The following ZEB2 variants were observed in gnomAD, a reference collection of about 807,000 sequenced individuals.
ZEB2 encodes the protein zinc finger E-box-binding homeobox 2.
Under a neutral mutation model 99.9 loss-of-function variants are expected in ZEB2, and 6 were observed. That is an observed-to-expected ratio of 0.06 (90% CI 0.03 to 0.12). The LOEUF (loss-of-function observed/expected upper bound fraction) is 0.12, where lower values mean the gene tolerates loss of function less well. ZEB2 is among the 10% of genes least tolerant of loss of function. The pLI is 1.00. For missense variants in ZEB2, 969 were observed against 1,502.8 expected, an observed-to-expected ratio of 0.64 and a Z score of 5.87; for synonymous variants, 517 against 542.5, an observed-to-expected ratio of 0.95 and a Z score of 0.65.
chr2:144,512,197 G>A, intron 2 of ZEB2: 1 of 1,287,206 alleles, frequency 7.8e-7, no homozygotes, highest in Non-Finnish European at 1.0e-6. Flanking sequence ...CCCTCTCTCT[G>A]TGACAGGCAC....
intron 4 of ZEB2, among the ~76,000 whole-genome samples, chr2:144,407,587 G>A (rs1703405751): frequency 6.6e-6 from 1 of 152,158 alleles, no homozygotes; most frequent in Admixed American, 6.5e-5. Context: ...ACTTTTGATG[G>A]GAAGAAAGGA....
chr2:144,400,118 C>G lies in ZEB2; in HGVS notation c.1069G>C (p.Val357Leu), dbSNP rs761866469. The change falls in exon 8 of 10, where the codon GTT (valine) becomes CTT (leucine). Residue 357 changes from valine (V) to leucine (L), a missense_variant. Physicochemically the swap from Val to Leu is conservative, Grantham distance 32. Coordinates refer to ENST00000627532, the MANE Select transcript of ZEB2 (RefSeq NM_014795.4). ...NIKTGSSPNS[V>L]SSSPTNSAIT... ...GCTGAATTAGTAGGAGAAGAAGAAA[C>G]AGAATTAGGGGAAGAACCCGTCTTG... The G allele has an allele frequency of 6.2e-7, 1 of 1,613,884 alleles. No individual in the cohort carries two copies. Among genetic ancestry groups the G allele is most frequent in the South Asian group, 1.1e-5 (1 of 91,084 alleles).
At chr2:144,456,808 C>T (rs1200519255) in intron 2 of ZEB2, among the ~76,000 whole-genome samples, 1 of 152,030 alleles carries the variant, frequency 6.6e-6, no homozygotes, top group African/African-American at 2.4e-5. Context: ...AATCAGATGA[C>T]ACTGAGACTT....
At chr2:144,393,096 G>T (rs1703173550) in intron 9 of ZEB2, among the ~76,000 whole-genome samples, 1 of 152,162 alleles carries the variant, frequency 6.6e-6, no homozygotes, top group Non-Finnish European at 1.5e-5. Flanking sequence ...TTAAATTTTA[G>T]AATACAAATG....
chr2:144,398,282 A>G lies in ZEB2; in HGVS notation c.2886+19T>C, dbSNP rs1403675127. On this transcript the variant is annotated intron_variant, in intron 8 of 9. Transcript: ENST00000627532. Reference sequence around the variant, plus strand: ...TGCCACCTCTTTTCTTCATAGCAGAAAAACATTTGTCTCTTTACCTGAAAT... The same window carrying G: ...TGCCACCTCTTTTCTTCATAGCAGAGAAACATTTGTCTCTTTACCTGAAAT... The G allele has an allele frequency of 1.2e-6, 2 of 1,612,676 alleles. No individual in the cohort carries two copies. Among genetic ancestry groups the G allele is most frequent in the Non-Finnish European group, 1.7e-6 (2 of 1,179,802 alleles).
chr2:144,483,021 C>G lies in ZEB2; in HGVS notation c.73+34257G>C, dbSNP rs140929400. On this transcript the variant is annotated intron_variant, in intron 2 of 9. Coordinates refer to ENST00000627532, the MANE Select transcript of ZEB2 (RefSeq NM_014795.4). ...CTACCAAAAAAGATTCTTCATTCAA[C>G]TTAGAAAACATTGAGACAATTCATG... 2.0e-5 allele frequency among the ~76,000 whole-genome samples: 3 copies of G among 152,002 alleles called. No individual in the cohort carries two copies. In the East Asian group the frequency reaches 5.8e-4, roughly 29 times the overall value.
intron 2 of ZEB2, chr2:144,448,751 C>T (rs1704018230): frequency 6.6e-6 from 1 of 152,228 alleles, no homozygotes. Flanking sequence ...TCACAGAGCT[C>T]CACACAGTCC....
At chr2:144,401,847 CA>C (rs1254681099) in intron 6 of ZEB2, among the ~76,000 whole-genome samples, 2 of 151,902 alleles carry the variant, frequency 1.3e-5, no homozygotes, top group Non-Finnish European at 1.5e-5. Context: ...AACACACAAA[CA>C]AAAAAACCTT....
At chr2:144,492,184 G>C (rs551523689) in intron 2 of ZEB2, among the ~76,000 whole-genome samples, 3 of 152,140 alleles carry the variant, frequency 2.0e-5, no homozygotes, top group Non-Finnish European at 4.4e-5. Flanking sequence ...CAGATTAAGC[G>C]GAAAATAGCT....
rs769095107 is a variant in ZEB2, at chr2:144,396,533, G to A, written c.2946C>T (p.Ser982=). 17 of 1,613,894 alleles carry A rather than the reference G, an allele frequency of 1.1e-5. No homozygotes were observed. Among genetic ancestry groups the A allele is most frequent in the Admixed American group, 6.7e-5 (4 of 59,988 alleles). ...YMSGLDDMTD[S]DSCLSRKKIK... ...TCTTTTTGCGAGACAGACAGGAGTC[G>A]GAGTCTGTCATATCATCTAGGCCTG... is the stretch of plus-strand genomic sequence containing the variant. Residue 982 remains serine, a synonymous_variant, in exon 9 of 10, where the codon TCC becomes TCT. Transcript: ENST00000627532.
rs527942077 is a variant in ZEB2, at chr2:144,509,881, C to T, written c.73+7397G>A. On this transcript the variant is annotated intron_variant, in intron 2 of 9. Coordinates refer to ENST00000627532, the MANE Select transcript of ZEB2 (RefSeq NM_014795.4). ...CAGTAAAACCTGACAGGTCTGCCTG[C>T]GAGGGTTTAAACAGTTCCCAGGAAG... Among the ~76,000 whole-genome samples the T allele has an allele frequency of 5.3e-5, 8 of 152,194 alleles. No homozygotes were observed. In the East Asian group the frequency reaches 9.6e-4, roughly 18 times the overall value.
In ZEB2 at chr2:144,405,035, A is replaced by G; in HGVS notation, c.404-11T>C. On this transcript the variant is annotated splice_polypyrimidine_tract_variant and intron_variant, in intron 4 of 9. Transcript: ENST00000627532. ...AATTTGCATTCTTCACTGAAATCAT[A>G]AAAGGAGAAGAAATGTTGTTTCCGG... is the stretch of plus-strand genomic sequence containing the variant. 1 of 1,612,690 alleles carries G rather than the reference A, an allele frequency of 6.2e-7. No homozygotes were observed. Among genetic ancestry groups the G allele is most frequent in the Non-Finnish European group, 8.5e-7 (1 of 1,179,912 alleles).
chr2:144,476,588 T>C (rs1173064624), intron 2 of ZEB2, among the ~76,000 whole-genome samples: 1 of 152,196 alleles, frequency 6.6e-6, no homozygotes, highest in African/African-American at 2.4e-5. Context: ...GAAACAACTT[T>C]TCCCTACCAC....
Position 144,424,985 on chromosome 2 carries a change from T to C in ZEB2, c.332-118A>G, listed in dbSNP as rs1174861177. 66 of 1,033,146 alleles carry C rather than the reference T, an allele frequency of 6.4e-5. 1 individual carries two copies. Among genetic ancestry groups the C allele is most frequent in the South Asian group, 1.4e-4 (10 of 74,002 alleles). 64.0% of individuals were successfully genotyped at this position (1,033,146 alleles called of 1,614,324 possible). The stretch of plus-strand genomic sequence containing the variant: ...AAGGAAACAGAGAAAAGGCTTGTTG[T>C]AGACCTCTAAACAATAGCTTTGTTC... On this transcript the variant is annotated intron_variant, in intron 3 of 9. Coordinates refer to ENST00000627532, the MANE Select transcript of ZEB2 (RefSeq NM_014795.4).
chr2:144,426,522 A>G (rs1190391196), intron 3 of ZEB2: 1 of 148,456 alleles, frequency 6.7e-6, no homozygotes, highest in Non-Finnish European at 1.5e-5. Context: ...TTTTTTGCAT[A>G]ATAGTGGTAA....
Position 144,399,716 on chromosome 2 carries a change from T to A in ZEB2, c.1471A>T (p.Met491Leu), listed in dbSNP as rs1294703110. The part of the protein sequence containing the change: ...EEISKLKGYH[M>L]KDPCSQPEEQ... ...TCAGGTTGAGAGCATGGATCCTTCA[T>A]GTGATAACCTTTCAACTTTGAAATT... is the stretch of plus-strand genomic sequence containing the variant. Residue 491 changes from methionine (M) to leucine (L), a missense_variant, in exon 8 of 10, where the codon ATG becomes TTG. Around this residue, in one of 8 missense-constraint regions of ZEB2, gnomAD observed 227 missense variants for 278.2 expected, o/e 0.82. Transcript: ENST00000627532. The surrounding 1 kb of genome is among the most constrained non-coding windows in gnomAD (Gnocchi z 5.6). The A allele has an allele frequency of 1.9e-6, 3 of 1,614,108 alleles. No individual in the cohort carries two copies. Among genetic ancestry groups the A allele is most frequent in the Non-Finnish European group, 2.5e-6 (3 of 1,179,968 alleles).
At chr2:144,517,824 C>T in intron 1 of ZEB2, 6 of 612,000 alleles carry the variant, frequency 9.8e-6, no homozygotes, top group South Asian at 3.5e-5. Context: ...CTCATCTTTT[C>T]TCATCCCCCC....
chr2:144,387,012 T>C lies in ZEB2; in HGVS notation c.*2439A>G, dbSNP rs1249841270. On this transcript the variant is annotated 3_prime_UTR_variant, in exon 10 of 10. Transcript: ENST00000627532. ...AGGTCTGCTCAACTATTACTGTATC[T>C]TCATTACATCCTTTCTGTGTATGTG... 3 of 133,754 alleles carry C rather than the reference T, an allele frequency of 2.2e-5. No individual in the cohort carries two copies. Among genetic ancestry groups the C allele is most frequent in the Non-Finnish European group, 3.2e-5 (2 of 63,380 alleles). 8.3% of individuals were successfully genotyped at this position (133,754 alleles called of 1,614,324 possible). A position where few individuals can be genotyped will look rare whatever the true frequency, so the allele number is the denominator to read the frequency against.
At chr2:144,488,408 A>C (rs948255214) in intron 2 of ZEB2, among the ~76,000 whole-genome samples, 5 of 152,172 alleles carry the variant, frequency 3.3e-5, no homozygotes, top group Non-Finnish European at 5.9e-5. Context: ...TTTTCTCTGA[A>C]CCAAATCAAA....
Sources: allele counts gnomAD v4.1 joint callset (sites outside exome capture counted in the v4.1 genomes callset), GRCh38; gene constraint gnomAD v4.1.1; regional missense constraint gnomAD v4.1.1; non-coding constraint Gnocchi (gnomAD v3.1); transcripts MANE v1.5; gene names NCBI Gene and HGNC (gene_info 2026-07-23, HGNC 2026-07-21).